The following GRIN2A variants were observed in gnomAD, a reference collection of about 807,000 sequenced individuals.
GRIN2A encodes glutamate receptor ionotropic, NMDA 2A.
GRIN2A carries 22 observed loss-of-function variants against 113.4 expected under a neutral mutation model. The observed-to-expected ratio is 0.19, with a 90% confidence interval of 0.14 to 0.28. The LOEUF is 0.28. GRIN2A is among the 10% of genes least tolerant of loss of function. The pLI is 1.00. For missense variants in GRIN2A, 1,502 were observed against 1,887.0 expected (o/e 0.80, Z 3.78); for synonymous variants, 827 against 738.4 (o/e 1.12, Z -1.94).
At chr16:9,948,690 T>C (rs1050418565) in intron 2 of GRIN2A, among the ~76,000 whole-genome samples, 1 of 152,206 alleles carries the variant, frequency 6.6e-6, no homozygotes, top group Admixed American at 6.5e-5. Context: ...CAGAACATAC[T>C]GCATGGGAGT....
chr16:10,059,734 A>C (rs72772387), intron 2 of GRIN2A, among the ~76,000 whole-genome samples: 15,088 of 151,306 alleles, frequency 0.1, 888 homozygotes, highest in African/African-American at 0.13. Flanking sequence ...AAAAAAAAAA[A>C]AAACAAACAA....
At position 9,761,622 on chromosome 16, in the gene GRIN2A, A is replaced by G. The variant is rs564257315; in HGVS notation, c.*1527T>C. ...TCCTGATCTGAGAAAGTGTCATAACATAGCAACTATCTTGTCGGGGGCACT... is the reference window on the plus strand; with the variant it reads ...TCCTGATCTGAGAAAGTGTCATAACGTAGCAACTATCTTGTCGGGGGCACT... On this transcript the variant is annotated 3_prime_UTR_variant, in exon 13 of 13. Coordinates refer to ENST00000330684, the MANE Select transcript of GRIN2A (RefSeq NM_001134407.3). 4.4e-6 allele frequency: 1 copy of G among 229,616 alleles called. No homozygotes were observed. The highest frequency in any genetic ancestry group is 5.7e-5 in the Admixed American group (1 of 17,658). The allele number at this position is 229,616 out of a possible 1,614,324, so 14.2% of individuals were successfully genotyped here. A position where few individuals can be genotyped will look rare whatever the true frequency, so the allele number is the denominator to read the frequency against.
At chr16:9,895,762 A>G (rs933697634) in intron 3 of GRIN2A, among the ~76,000 whole-genome samples, 18 of 152,324 alleles carry the variant, frequency 1.2e-4, no homozygotes, top group Middle Eastern at 6.8e-3. Flanking sequence ...GTTGATAATT[A>G]GGGTGGCCAA....
Position 9,933,070 on chromosome 16 carries a change from C to T in GRIN2A, c.1007+4889G>A, listed in dbSNP as rs1056257085. Among the ~76,000 whole-genome samples the T allele has an allele frequency of 2.0e-5, 3 of 152,176 alleles. No individual in the cohort carries two copies. The South Asian group carries it at 6.2e-4, about 32-fold the overall frequency. On this transcript the variant is annotated intron_variant, in intron 3 of 12. Transcript: ENST00000330684. The stretch of plus-strand genomic sequence containing the variant: ...ACATGGTCTGTGCTTGGTGAAGGAA[C>T]AGATGTTTAATAACTGTGCAGTAGC...
At chr16:9,850,675 T>C (rs1420744670) in intron 4 of GRIN2A, among the ~76,000 whole-genome samples, 5 of 152,134 alleles carry the variant, frequency 3.3e-5, no homozygotes, top group African/African-American at 1.2e-4. Context: ...TGACCCCAGA[T>C]ACAGTTCTAT....
At chr16:9,818,431 A>G (rs559728582) in intron 10 of GRIN2A, among the ~76,000 whole-genome samples, 3 of 152,240 alleles carry the variant, frequency 2.0e-5, no homozygotes, top group African/African-American at 7.2e-5. Flanking sequence ...ACGTCTCAAA[A>G]TTCAACAGCC....
chr16:9,964,783 G>T (rs1021267638), intron 2 of GRIN2A, among the ~76,000 whole-genome samples: 4 of 152,104 alleles, frequency 2.6e-5, no homozygotes, highest in Admixed American at 2.6e-4. Flanking sequence ...TGCTAATCCA[G>T]GATCATCCGA....
At chr16:9,955,099 G>A (rs759043469) in intron 2 of GRIN2A, among the ~76,000 whole-genome samples, 9 of 152,180 alleles carry the variant, frequency 5.9e-5, no homozygotes, top group East Asian at 1.9e-4. Context: ...GAGTCAAGGC[G>A]AGGGTTTCAC....
At chr16:9,786,101 C>T (rs1902213906) in intron 11 of GRIN2A, among the ~76,000 whole-genome samples, 1 of 152,170 alleles carries the variant, frequency 6.6e-6, no homozygotes, top group Non-Finnish European at 1.5e-5. Flanking sequence ...CCTTTGAAGT[C>T]TCAATTTGAT....
chr16:10,180,932 C>A lies in GRIN2A; in HGVS notation c.-18-503G>T. 1 of 197,382 alleles carries A rather than the reference C, an allele frequency of 5.1e-6. No individual in the cohort carries two copies. Among genetic ancestry groups the A allele is most frequent in the South Asian group, 9.3e-5 (1 of 10,726 alleles). The allele number at this position is 197,382 out of a possible 1,614,324, so 12.2% of individuals were successfully genotyped here. On this transcript the variant is annotated intron_variant, in intron 1 of 12. Coordinates refer to ENST00000330684, the MANE Select transcript of GRIN2A (RefSeq NM_001134407.3). The surrounding 1 kb of genome is among the most constrained non-coding windows in gnomAD (Gnocchi z 7.0). The stretch of plus-strand genomic sequence containing the variant: ...GGGCGTGCGGAGGCGGCACCCAGAC[C>A]CCGCGTCCCAGCTTGAGAGCTCAGC...
At chr16:9,872,908 G>A (rs531679916) in intron 4 of GRIN2A, among the ~76,000 whole-genome samples, 1 of 152,164 alleles carries the variant, frequency 6.6e-6, no homozygotes, top group Non-Finnish European at 1.5e-5. Flanking sequence ...AGCCAGGCAT[G>A]GTGGCACTTG....
At chr16:9,873,527 A>T (rs2043304922) in intron 4 of GRIN2A, among the ~76,000 whole-genome samples, 1 of 145,228 alleles carries the variant, frequency 6.9e-6, no homozygotes, top group Non-Finnish European at 1.5e-5. Context: ...AAAGTGAGAC[A>T]CCCCCCATCT....
chr16:9,854,856 T>G (rs975569215), intron 4 of GRIN2A, among the ~76,000 whole-genome samples: 1 of 152,188 alleles, frequency 6.6e-6, no homozygotes, highest in Non-Finnish European at 1.5e-5. Context: ...AAGGTTTCAA[T>G]GCATCAGAGC....
At chr16:9,817,315 G>A (rs1242631451) in intron 10 of GRIN2A, among the ~76,000 whole-genome samples, 2 of 152,164 alleles carry the variant, frequency 1.3e-5, no homozygotes, top group East Asian at 1.9e-4. Flanking sequence ...GTGCTGCGGG[G>A]AATGATGCTT....
intron 2 of GRIN2A, among the ~76,000 whole-genome samples, chr16:10,148,186 T>C (rs576513650): frequency 5.4e-4 from 82 of 152,326 alleles, no homozygotes; most frequent in African/African-American, 1.9e-3. Context: ...ACCCAGTTTT[T>C]GTACATAGAG....
At chr16:10,115,624 T>C (rs1289531727) in intron 2 of GRIN2A, among the ~76,000 whole-genome samples, 3 of 152,222 alleles carry the variant, frequency 2.0e-5, no homozygotes, top group African/African-American at 7.2e-5. Context: ...AATTTTATAA[T>C]TCTGCAGGTG....
At chr16:10,075,535 A>C (rs1462640641) in intron 2 of GRIN2A, among the ~76,000 whole-genome samples, 1 of 152,186 alleles carries the variant, frequency 6.6e-6, no homozygotes, top group African/African-American at 2.4e-5. Context: ...ATGATTGCAC[A>C]ACAATGTGAA....
At chr16:9,842,646 T>A (rs1460876938) in intron 5 of GRIN2A, among the ~76,000 whole-genome samples, 1 of 152,200 alleles carries the variant, frequency 6.6e-6, no homozygotes, top group Non-Finnish European at 1.5e-5. Flanking sequence ...CAATGAAATA[T>A]GAAGCATAGG....
intron 2 of GRIN2A, among the ~76,000 whole-genome samples, chr16:10,100,179 TG>T (rs1241077510): frequency 6.6e-6 from 1 of 152,106 alleles, no homozygotes. Context: ...AGGTCAGCCA[TG>T]AAGTGCTTGG....
Sources: allele counts gnomAD v4.1 joint callset (sites outside exome capture counted in the v4.1 genomes callset), GRCh38; gene constraint gnomAD v4.1.1; non-coding constraint Gnocchi (gnomAD v3.1); transcripts MANE v1.5; gene names NCBI Gene and HGNC (gene_info 2026-07-23, HGNC 2026-07-21).